Variants in CSMD2 observed in about 807,000 individuals in gnomAD.
CSMD2 encodes the protein CUB and Sushi multiple domains 2.
A neutral mutation model predicts 398.5 loss-of-function variants in CSMD2; 130 were observed. That is an observed-to-expected ratio of 0.33 (90% CI 0.28 to 0.38). The LOEUF is 0.38. Ranked by LOEUF, CSMD2 falls within the 10% of genes least tolerant of loss-of-function variation. The pLI is 1.00. For synonymous variants in CSMD2, 1,828 were observed against 1,908.5 expected (o/e 0.96, Z 1.10); for missense variants, 3,829 against 4,764.9 (o/e 0.80, Z 5.78).
chr1:34,061,588 C>T (rs2148264025), intron 2 of CSMD2, among the ~76,000 whole-genome samples: 1 of 152,328 alleles, frequency 6.6e-6, no homozygotes, highest in Non-Finnish European at 1.5e-5. Flanking sequence ...CTCCCTGAGC[C>T]TCAGCTCCTC....
At chr1:33,586,718 G>C (rs1639103352) in intron 45 of CSMD2, 101 bp from the exon 46 acceptor site, 4 of 734,290 alleles carry the variant, frequency 5.4e-6, no homozygotes, top group African/African-American at 1.7e-5. Context: ...GTCATGTTCT[G>C]TTCAGACTTA....
intron 22 of CSMD2, among the ~76,000 whole-genome samples, chr1:33,702,178 T>C (rs1645633130): frequency 6.6e-6 from 1 of 152,292 alleles, no homozygotes; most frequent in South Asian, 2.1e-4. Flanking sequence ...AGAAAAGAGA[T>C]GGAGGGAGAA....
intron 3 of CSMD2, among the ~76,000 whole-genome samples, chr1:34,029,195 T>G (rs1002907382): frequency 6.6e-6 from 1 of 152,176 alleles, no homozygotes; most frequent in Non-Finnish European, 1.5e-5. Flanking sequence ...GAAGCCTGTC[T>G]GTCATTCTCC....
intron 1 of CSMD2, chr1:34,113,092 C>G (rs1661253483): frequency 6.6e-6 from 1 of 152,224 alleles, no homozygotes; most frequent in African/African-American, 2.4e-5. Context: ...TCAACCCCAC[C>G]ATTGTGAGCT....
intron 3 of CSMD2, among the ~76,000 whole-genome samples, chr1:34,015,648 AT>A (rs1375978671): frequency 6.6e-6 from 1 of 152,168 alleles, no homozygotes; most frequent in Non-Finnish European, 1.5e-5. Flanking sequence ...ACAGGCCTGG[AT>A]CCCTGCAGTC....
chr1:33,630,497 G>C (rs1642406024), intron 32 of CSMD2, among the ~76,000 whole-genome samples: 1 of 152,210 alleles, frequency 6.6e-6, no homozygotes, highest in South Asian at 2.1e-4. Context: ...GAAGCTCAGA[G>C]AGGTCAAGTA....
intron 2 of CSMD2, among the ~76,000 whole-genome samples, chr1:34,082,584 C>T (rs1397894253): frequency 1.3e-5 from 2 of 152,328 alleles, no homozygotes; most frequent in East Asian, 3.9e-4. Flanking sequence ...TACCCAACAG[C>T]TCATTGAGAA....
chr1:34,019,057 T>C (rs1433259978), intron 3 of CSMD2, among the ~76,000 whole-genome samples: 1 of 152,188 alleles, frequency 6.6e-6, no homozygotes, highest in Non-Finnish European at 1.5e-5. Context: ...TCAAGCAAGT[T>C]ACTTAACTTT....
intron 3 of CSMD2, among the ~76,000 whole-genome samples, chr1:33,995,388 T>C (rs1353383421): frequency 6.6e-6 from 1 of 152,206 alleles, no homozygotes; most frequent in Admixed American, 6.5e-5. Flanking sequence ...GGCTGCCAAG[T>C]AGATGATTCA....
intron 20 of CSMD2, 51 bp downstream of exon 20, chr1:33,716,235 G>A (rs759663083): frequency 2.1e-6 from 3 of 1,448,822 alleles, no homozygotes; most frequent in African/African-American, 2.8e-5. Flanking sequence ...CAGAAGGAGA[G>A]AGCAAATAGC....
intron 2 of CSMD2, among the ~76,000 whole-genome samples, chr1:34,059,077 A>G (rs1654176050): frequency 6.6e-6 from 1 of 152,204 alleles, no homozygotes; most frequent in South Asian, 2.1e-4. Context: ...TCATGGCAGG[A>G]CACAAGTAAG....
chr1:34,087,987 C>G (rs1571069911), intron 2 of CSMD2, among the ~76,000 whole-genome samples: 1 of 152,162 alleles, frequency 6.6e-6, no homozygotes, highest in Non-Finnish European at 1.5e-5. Context: ...CAGATGCCCC[C>G]CCGCCTCTGC....
chr1:34,026,720 T>C (rs150196871), intron 3 of CSMD2, among the ~76,000 whole-genome samples: 3 of 152,216 alleles, frequency 2.0e-5, no homozygotes, highest in Non-Finnish European at 4.4e-5. Flanking sequence ...CATGCAACAG[T>C]TGGGAGTTGT....
At chr1:33,561,427 A>C (rs994244467) in intron 53 of CSMD2, among the ~76,000 whole-genome samples, 3 of 152,254 alleles carry the variant, frequency 2.0e-5, no homozygotes, top group African/African-American at 7.2e-5. Flanking sequence ...CAAAGTAAGA[A>C]TTTTGATATG....
At chr1:33,933,988 A>G (rs1218676913) in intron 4 of CSMD2, among the ~76,000 whole-genome samples, 1 of 152,194 alleles carries the variant, frequency 6.6e-6, no homozygotes, top group Non-Finnish European at 1.5e-5. Flanking sequence ...GAAAGGGTGC[A>G]ATGAACAATT....
At chr1:34,109,725 T>A (rs1486128329) in intron 1 of CSMD2, among the ~76,000 whole-genome samples, 1 of 151,950 alleles carries the variant, frequency 6.6e-6, no homozygotes, top group Non-Finnish European at 1.5e-5. Context: ...GCAAAGGACA[T>A]GAACAGACAC....
intron 10 of CSMD2, among the ~76,000 whole-genome samples, chr1:33,798,484 TG>T (rs1371510879): frequency 6.6e-6 from 1 of 151,650 alleles, no homozygotes; most frequent in Non-Finnish European, 1.5e-5. Flanking sequence ...ATAGAGGAGG[TG>T]GGTCTGGGCC....
intron 1 of CSMD2, among the ~76,000 whole-genome samples, chr1:34,098,290 C>A (rs1659589254): frequency 7.6e-6 from 1 of 131,338 alleles, no homozygotes; most frequent in Non-Finnish European, 1.6e-5. Context: ...GGAGGGATAG[C>A]ATTGGGAGAT....
At chr1:34,032,752 A>G (rs2148155780) in intron 2 of CSMD2, 46 bp from the exon 3 acceptor site, 1 of 1,330,562 alleles carries the variant, frequency 7.5e-7, no homozygotes, top group Non-Finnish European at 1.1e-6. Context: ...CCCTTGGGAA[A>G]CTACACATCC....
Sources: gnomAD v4.1 joint callset for allele counts (sites outside exome capture counted in the v4.1 genomes callset) on GRCh38, gnomAD v4.1.1 for gene constraint, MANE v1.5 for transcripts, NCBI Gene and HGNC (gene_info 2026-07-23, HGNC 2026-07-21) for gene names.